The following PPP2R5C variants were observed in gnomAD, a reference collection of about 807,000 sequenced individuals.
PPP2R5C encodes serine/threonine-protein phosphatase 2A 56 kDa regulatory subunit gamma isoform.
In PPP2R5C, 7 loss-of-function variants were observed where a neutral mutation model predicts 68.9. The observed-to-expected ratio is 0.10, with a 90% CI of 0.06 to 0.19. The LOEUF is 0.19. Among genes scored for constraint, PPP2R5C ranks in the 10% least tolerant of loss-of-function variants. The pLI is 1.00. For synonymous variants in PPP2R5C, 210 were observed against 222.2 expected (o/e 0.95, Z 0.49); for missense variants, 348 against 641.3 (o/e 0.54, Z 4.94).
chr14:101,836,499 A>G lies in PPP2R5C; in HGVS notation c.95-20187A>G, dbSNP rs1265834067. 8.2e-6 allele frequency: 5 copies of G among 606,680 alleles called. No homozygotes were observed. The East Asian group carries it at 1.4e-4, about 17-fold the overall frequency. The allele number at this position is 606,680 out of a possible 1,614,324, so 37.6% of individuals were successfully genotyped here. ...TTGGAAACTTATGTCTCATGCCAGGATCTGCAGATAGTTCTTTTTCAAAAT... is the reference window on the plus strand; with the variant it reads ...TTGGAAACTTATGTCTCATGCCAGGGTCTGCAGATAGTTCTTTTTCAAAAT... On this transcript the variant is annotated intron_variant, in intron 1 of 13. Coordinates refer to ENST00000334743, the Ensembl canonical transcript of PPP2R5C.
At chr14:101,842,858 G>A (rs1475083023) in intron 1 of PPP2R5C, among the ~76,000 whole-genome samples, 1 of 143,772 alleles carries the variant, frequency 7.0e-6, no homozygotes, top group Non-Finnish European at 1.5e-5. Flanking sequence ...CTACTACTAT[G>A]TCCTATCATA....
chr14:101,801,153 G>A (rs1411940363), intron 3 of PPP2R5C, among the ~76,000 whole-genome samples: 1 of 152,164 alleles, frequency 6.6e-6, no homozygotes. Flanking sequence ...AGTACAGTAG[G>A]GGAATTGTAG....
At position 101,781,806 on chromosome 14, in the gene PPP2R5C, C is replaced by T. The variant is rs1322310202; in HGVS notation, c.94-4212C>T. On this transcript the variant is annotated intron_variant, in intron 2 of 14. Coordinates refer to the PPP2R5C transcript ENST00000328724. This position sits in a 1 kb window ranked among gnomAD's most constrained non-coding sequence, Gnocchi z 6.4. Reference sequence around the variant, plus strand: ...TGCTTGGCCGCCCGCGAACCGCGCTCTCCCGTTTCCTTTCCGTCCCGTCTC... The same window carrying T: ...TGCTTGGCCGCCCGCGAACCGCGCTTTCCCGTTTCCTTTCCGTCCCGTCTC... Among the ~76,000 whole-genome samples the T allele has an allele frequency of 6.6e-6, 1 of 151,864 alleles. No individual in the cohort carries two copies. Among genetic ancestry groups the T allele is most frequent in the Admixed American group, 6.5e-5 (1 of 15,278 alleles).
chr14:101,919,186 A>T (rs1169958182), intron 13 of PPP2R5C, among the ~76,000 whole-genome samples: 1 of 152,238 alleles, frequency 6.6e-6, no homozygotes, highest in East Asian at 1.9e-4. Context: ...TCCCCACGGC[A>T]GCCACGGTCA....
In PPP2R5C at chr14:101,903,162, C is replaced by T. The variant is rs377232094; in HGVS notation, c.1023+1273C>T. On this transcript the variant is annotated intron_variant, in intron 9 of 13. Coordinates refer to ENST00000334743, the Ensembl canonical transcript of PPP2R5C. ...ACGGAGCCCTGGCTGAAGTACAGGG[C>T]GTTCGTATGCCAAGGAGAGACTGGC... Among the ~76,000 whole-genome samples, 75 of 152,040 alleles carry T rather than the reference C, an allele frequency of 4.9e-4. No homozygotes were observed. In the East Asian group the frequency reaches 8.9e-3, roughly 18 times the overall value.
intron 2 of PPP2R5C, among the ~76,000 whole-genome samples, chr14:101,875,673 T>C (rs759580847): frequency 2.1e-4 from 32 of 152,162 alleles, no homozygotes; most frequent in Non-Finnish European, 4.3e-4. Flanking sequence ...ACTTTACAAA[T>C]GGGGAAAGGG....
At chr14:101,876,635 T>G (rs1156413149) in intron 2 of PPP2R5C, among the ~76,000 whole-genome samples, 1 of 152,238 alleles carries the variant, frequency 6.6e-6, no homozygotes, top group Non-Finnish European at 1.5e-5. Context: ...GGAGAACATC[T>G]GCAGGACTGA....
chr14:101,897,664 G>C (rs1181550359), intron 8 of PPP2R5C, among the ~76,000 whole-genome samples: 1 of 151,798 alleles, frequency 6.6e-6, no homozygotes, highest in African/African-American at 2.4e-5. Context: ...ATTAAGGGTG[G>C]GTCTGCCTTT....
At chr14:101,778,472 C>A (rs1042671189) in intron 2 of PPP2R5C, among the ~76,000 whole-genome samples, 4 of 152,158 alleles carry the variant, frequency 2.6e-5, no homozygotes, top group African/African-American at 4.8e-5. Flanking sequence ...GCTAAGAAAC[C>A]ATTATCAAAT....
At chr14:101,826,268 A>G (rs959330043) in intron 1 of PPP2R5C, among the ~76,000 whole-genome samples, 1 of 152,160 alleles carries the variant, frequency 6.6e-6, no homozygotes, top group Non-Finnish European at 1.5e-5. Flanking sequence ...GTTTTTTAAT[A>G]TGAATTCTCT....
intron 3 of PPP2R5C, among the ~76,000 whole-genome samples, chr14:101,794,340 C>T (rs943424224): frequency 1.3e-5 from 2 of 152,214 alleles, no homozygotes; most frequent in Non-Finnish European, 2.9e-5. Flanking sequence ...GATATTACTG[C>T]AAACAGTTGG....
At chr14:101,923,276 G>A (rs1281268465) in intron 13 of PPP2R5C, among the ~76,000 whole-genome samples, 1 of 152,184 alleles carries the variant, frequency 6.6e-6, no homozygotes, top group African/African-American at 2.4e-5. Context: ...AGAAGCTCTG[G>A]GGTCATGTTT....
chr14:101,808,405 G>A (rs61994038), upstream of PPP2R5C, among the ~76,000 whole-genome samples: 20,954 of 152,136 alleles, frequency 0.14, 1,602 homozygotes, highest in Admixed American at 0.19. Flanking sequence ...TCTCCTGGCC[G>A]GCCATGGAAT....
intron 3 of PPP2R5C, 79 bp from the exon 6 acceptor site, chr14:101,883,178 A>T: frequency 9.9e-7 from 1 of 1,005,336 alleles, no homozygotes; most frequent in Non-Finnish European, 1.5e-6. Flanking sequence ...ATACCAATAA[A>T]GATTCAATTT....
At chr14:101,902,429 T>C (rs918212216) in intron 9 of PPP2R5C, among the ~76,000 whole-genome samples, 23 of 152,220 alleles carry the variant, frequency 1.5e-4, no homozygotes, top group African/African-American at 5.5e-4. Flanking sequence ...CAGCCTCGGC[T>C]CATCACCTCT....
chr14:101,858,246 T>C (rs1185429525), intron 2 of PPP2R5C, among the ~76,000 whole-genome samples: 1 of 152,220 alleles, frequency 6.6e-6, no homozygotes, highest in Non-Finnish European at 1.5e-5. Flanking sequence ...GGAGGCCCAC[T>C]CTAGCCCCAG....
intron 1 of PPP2R5C, chr14:101,819,360 A>C: frequency 2.7e-6 from 1 of 365,140 alleles, no homozygotes; most frequent in East Asian, 4.5e-5. Flanking sequence ...AAGATTACCA[A>C]GATCTAATTT....
intron 10 of PPP2R5C, among the ~76,000 whole-genome samples, chr14:101,907,551 A>G (rs969858134): frequency 7.9e-5 from 12 of 151,968 alleles, no homozygotes; most frequent in African/African-American, 2.9e-4. Flanking sequence ...ACCTTCTTTC[A>G]TCTCTTTCCA....
At chr14:101,840,144 C>T (rs79442600) in intron 1 of PPP2R5C, among the ~76,000 whole-genome samples, 6,451 of 152,148 alleles carry the variant, frequency 0.042, 445 homozygotes, top group African/African-American at 0.15. Context: ...GTAGTGCCCA[C>T]CTTGTACCTT....
Sources: gnomAD v4.1 joint callset for allele counts (sites outside exome capture counted in the v4.1 genomes callset) on GRCh38, gnomAD v4.1.1 for gene constraint, Gnocchi (gnomAD v3.1) non-coding constraint, MANE v1.5 for transcripts, NCBI Gene and HGNC (gene_info 2026-07-23, HGNC 2026-07-21) for gene names.